The following DNAH14 variants were observed in gnomAD, a reference collection of about 807,000 sequenced individuals.
DNAH14 encodes axonemal beta dynein heavy chain 14.
DNAH14 carries 478 observed loss-of-function variants against 520.9 expected under a neutral mutation model. That is an observed-to-expected ratio of 0.92 (90% CI 0.85 to 0.99). The LOEUF is 0.99. Ranked by LOEUF, DNAH14 falls within the 50% of genes least tolerant of loss-of-function variation. The pLI, the probability that DNAH14 is intolerant of heterozygous loss-of-function variation, is 0.00. For missense variants in DNAH14, 4,831 were observed against 5,234.5 expected (o/e 0.92, Z 2.38); for synonymous variants, 1,581 against 1,757.2 (o/e 0.90, Z 2.51).
intron 12 of DNAH14, among the ~76,000 whole-genome samples, chr1:225,041,920 G>A (rs1197218324): frequency 3.9e-5 from 6 of 152,130 alleles, no homozygotes; most frequent in South Asian, 2.1e-4. Flanking sequence ...CCATTTAACC[G>A]TTTTTAGGTG....
intron 76 of DNAH14, among the ~76,000 whole-genome samples, chr1:225,366,167 A>G (rs1246556493): frequency 6.6e-6 from 1 of 152,250 alleles, no homozygotes; most frequent in African/African-American, 2.4e-5. Flanking sequence ...TAACTATGAT[A>G]TAGTTAGTGC....
Position 224,966,720 on chromosome 1 carries a change from C to T in DNAH14, c.499-711C>T, listed in dbSNP as rs190223812. 2.6e-5 allele frequency among the ~76,000 whole-genome samples: 4 copies of T among 152,246 alleles called. No homozygotes were observed. In the East Asian group the frequency reaches 7.7e-4, roughly 29 times the overall value. Reference sequence around the variant, plus strand: ...AAAATTTGAAAAACAGGGTCTTTCTCTGTCACCCAGGCTGAAGCCACAATG... The same window carrying T: ...AAAATTTGAAAAACAGGGTCTTTCTTTGTCACCCAGGCTGAAGCCACAATG... On this transcript the variant is annotated intron_variant, in intron 5 of 85. Transcript: ENST00000682510.
chr1:225,334,956 C>G (rs185497860), intron 66 of DNAH14, among the ~76,000 whole-genome samples: 1 of 147,800 alleles, frequency 6.8e-6, no homozygotes, highest in African/African-American at 2.6e-5. Context: ...GTAGAGACCT[C>G]AAGCAATCCT....
Position 225,159,328 on chromosome 1 carries a change from G to A in DNAH14, c.5288G>A (p.Ser1763Asn), listed in dbSNP as rs2081326911. ...TACCATTGAAGTGATACCAGTGACAGTCTTTCTGAAGCAGATGAAACCTTG... is the reference window on the plus strand; with the variant it reads ...TACCATTGAAGTGATACCAGTGACAATCTTTCTGAAGCAGATGAAACCTTG... The part of the protein sequence containing the change: ...KREFKCDTSD[S>N]LSEADETLIV... The change falls in exon 35 of 86, where the codon AGT (serine) becomes AAT (asparagine). Residue 1763 changes from serine (S) to asparagine (N), a missense_variant. Coordinates refer to ENST00000682510, the MANE Select transcript of DNAH14 (RefSeq NM_001367479.1). 1 of 1,551,258 alleles carries A rather than the reference G, an allele frequency of 6.4e-7. No homozygotes were observed. The highest frequency in any genetic ancestry group is 8.7e-7 in the Non-Finnish European group (1 of 1,146,758).
chr1:225,243,103 A>G (rs896745879), intron 43 of DNAH14, among the ~76,000 whole-genome samples: 8 of 152,228 alleles, frequency 5.3e-5, no homozygotes, highest in Non-Finnish European at 7.3e-5. Flanking sequence ...ATTCAACTCC[A>G]TCCTCTAACT....
chr1:224,931,408 T>C (rs2125321927), intron 1 of DNAH14, among the ~76,000 whole-genome samples: 1 of 152,350 alleles, frequency 6.6e-6, no homozygotes, highest in Non-Finnish European at 1.5e-5. Context: ...GAAATTTTGG[T>C]ACATGTATCT....
intron 81 of DNAH14, among the ~76,000 whole-genome samples, chr1:225,385,479 C>A (rs1441150985): frequency 6.6e-6 from 1 of 152,036 alleles, no homozygotes; most frequent in Non-Finnish European, 1.5e-5. Flanking sequence ...TCTAGAAAAC[C>A]CCATCGTCTC....
intron 38 of DNAH14, among the ~76,000 whole-genome samples, chr1:225,194,994 A>T (rs960182246): frequency 6.6e-6 from 1 of 152,284 alleles, no homozygotes; most frequent in East Asian, 1.9e-4. Context: ...AATGGCTATT[A>T]CAAAAAGTTA....
intron 28 of DNAH14, among the ~76,000 whole-genome samples, 168 bp from the exon 29 acceptor site, chr1:225,144,229 A>C (rs2079713714): frequency 6.6e-6 from 1 of 152,214 alleles, no homozygotes; most frequent in African/African-American, 2.4e-5. Flanking sequence ...TAATATGATC[A>C]GTCATTGATG....
At chr1:225,243,754 C>A (rs1288521044) in intron 43 of DNAH14, among the ~76,000 whole-genome samples, 1 of 151,966 alleles carries the variant, frequency 6.6e-6, no homozygotes, top group Non-Finnish European at 1.5e-5. Context: ...TGGGCTGAGA[C>A]GATGGGGTTT....
At chr1:225,064,084 G>C (rs969328579) in intron 17 of DNAH14, among the ~76,000 whole-genome samples, 6 of 151,836 alleles carry the variant, frequency 4.0e-5, no homozygotes, top group Admixed American at 3.9e-4. Context: ...ACCAGACAAA[G>C]TACCAATAAA....
At chr1:224,964,421 T>A in intron 4 of DNAH14, 58 bp from the exon 5 acceptor site, 1 of 1,546,084 alleles carries the variant, frequency 6.5e-7, no homozygotes, top group Admixed American at 1.9e-5. Flanking sequence ...TTATGCATTA[T>A]CCTTAAGTGA....
intron 21 of DNAH14, among the ~76,000 whole-genome samples, chr1:225,086,338 G>A (rs569178295): frequency 6.6e-6 from 1 of 151,826 alleles, no homozygotes; most frequent in South Asian, 2.1e-4. Context: ...ATTTCACTGT[G>A]TTAGCCAGGA....
Position 225,387,742 on chromosome 1 carries a change from T to G in DNAH14, c.13078-637T>G, listed in dbSNP as rs113548593. Among the ~76,000 whole-genome samples the G allele has an allele frequency of 3.6e-3, 543 of 151,946 alleles. 2 individuals carry two copies. Among genetic ancestry groups the G allele is most frequent in the African/African-American group, 0.012 (513 of 41,414 alleles). On this transcript the variant is annotated intron_variant, in intron 81 of 85. Coordinates refer to ENST00000682510, the MANE Select transcript of DNAH14 (RefSeq NM_001367479.1). ...AGGCTTGAGTATGGAAAATAGAAGGTCGCTTGTGATTTCTAATGAAGACTC... is the reference window on the plus strand; with the variant it reads ...AGGCTTGAGTATGGAAAATAGAAGGGCGCTTGTGATTTCTAATGAAGACTC...
At chr1:225,063,447 G>T (rs980231997) in intron 17 of DNAH14, among the ~76,000 whole-genome samples, 1 of 151,968 alleles carries the variant, frequency 6.6e-6, no homozygotes, top group East Asian at 1.9e-4. Context: ...ATTTGTGGTT[G>T]GTTGAATCTA....
At chr1:225,152,582 C>A in intron 32 of DNAH14, 115 bp from the exon 33 acceptor site, 6 of 963,470 alleles carry the variant, frequency 6.2e-6, no homozygotes, top group Non-Finnish European at 8.9e-6. Context: ...AACTAATTTT[C>A]AGATAAAGGT....
intron 41 of DNAH14, among the ~76,000 whole-genome samples, chr1:225,208,620 G>A (rs897654107): frequency 6.6e-6 from 1 of 152,082 alleles, no homozygotes; most frequent in Non-Finnish European, 1.5e-5. Flanking sequence ...AATGTTTCAG[G>A]AAATAATTGC....
At chr1:225,099,926 G>A (rs1230094584) in intron 22 of DNAH14, among the ~76,000 whole-genome samples, 2 of 152,124 alleles carry the variant, frequency 1.3e-5, no homozygotes, top group Non-Finnish European at 2.9e-5. Context: ...CAACTTCAGA[G>A]CCAAGAGGAG....
In DNAH14 at chr1:224,963,428, A is replaced by G. The variant is rs559278349; in HGVS notation, c.368-1051A>G. Among the ~76,000 whole-genome samples the G allele has an allele frequency of 9.2e-5, 14 of 152,202 alleles. No homozygotes were observed. The South Asian group carries it at 2.7e-3, about 29-fold the overall frequency. On this transcript the variant is annotated intron_variant, in intron 4 of 85. Transcript: ENST00000682510. ...TTTTCCACATTTATAGCTCTAATCC[A>G]TCTATAATTTATACTTGCATATAAC...
Sources: gnomAD v4.1 joint callset for allele counts (sites outside exome capture counted in the v4.1 genomes callset) on GRCh38, gnomAD v4.1.1 for gene constraint, MANE v1.5 for transcripts, NCBI Gene and HGNC (gene_info 2026-07-23, HGNC 2026-07-21) for gene names.